Variants in HIVEP3 observed in about 807,000 individuals in gnomAD.
HIVEP3 encodes the protein transcription factor HIVEP3.
HIVEP3 carries 49 observed loss-of-function variants against 152.8 expected under a neutral mutation model. That is an observed-to-expected ratio of 0.32 (90% CI 0.26 to 0.41). HIVEP3 has a LOEUF of 0.41. Ranked by LOEUF, HIVEP3 falls within the 10% of genes least tolerant of loss-of-function variation. The pLI, the probability that HIVEP3 is intolerant of heterozygous loss-of-function variation, is 1.00. For synonymous variants in HIVEP3, 1,269 were observed against 1,289.0 expected (o/e 0.98, Z 0.33); for missense variants, 2,790 against 3,103.3 (o/e 0.90, Z 2.40).
intron 3 of HIVEP3, among the ~76,000 whole-genome samples, chr1:41,610,229 A>G (rs1463355853): frequency 6.6e-6 from 1 of 152,200 alleles, no homozygotes; most frequent in African/African-American, 2.4e-5. Context: ...CCTAATACAC[A>G]ACTTCAGACA....
chr1:41,825,495 C>G (rs1642774494), intron 1 of HIVEP3, among the ~76,000 whole-genome samples: 1 of 151,674 alleles, frequency 6.6e-6, no homozygotes. Flanking sequence ...GGTCTCGAAC[C>G]CCTGATCTCA....
At chr1:41,543,544 C>T (rs1029872173) in intron 5 of HIVEP3, 1 of 152,344 alleles carries the variant, frequency 6.6e-6, no homozygotes, top group Admixed American at 6.5e-5. Flanking sequence ...GGCCCAGGCC[C>T]TTGCCCTCTC....
chr1:41,927,799 C>T (rs975798147), intron 1 of HIVEP3, among the ~76,000 whole-genome samples: 13 of 152,104 alleles, frequency 8.5e-5, no homozygotes, highest in Admixed American at 3.3e-4. Context: ...CAGTGGCTCA[C>T]GCCTATAGTC....
At chr1:42,010,774 T>C (rs564722961) in intron 1 of HIVEP3, among the ~76,000 whole-genome samples, 1 of 152,264 alleles carries the variant, frequency 6.6e-6, no homozygotes. Flanking sequence ...ATACACATCT[T>C]AGAAAGGAAA....
At chr1:41,758,862 G>C (rs936011473) in intron 1 of HIVEP3, among the ~76,000 whole-genome samples, 1 of 152,164 alleles carries the variant, frequency 6.6e-6, no homozygotes, top group African/African-American at 2.4e-5. Context: ...TTAGGAGAAT[G>C]GGGGGTACTG....
chr1:41,506,494 G>A lies in HIVEP3; in HGVS notation c.*3957C>T, dbSNP rs1644382567. Reference sequence around the variant, plus strand: ...TACTTGTAAAAACTTCTCATTCACAGTACAGATGTAATTTACAACAAAGGT... The same window carrying A: ...TACTTGTAAAAACTTCTCATTCACAATACAGATGTAATTTACAACAAAGGT... On this transcript the variant is annotated 3_prime_UTR_variant, in exon 9 of 9. Coordinates refer to ENST00000372583, the MANE Select transcript of HIVEP3 (RefSeq NM_024503.5). The A allele has an allele frequency of 6.6e-6, 1 of 152,020 alleles. No individual in the cohort carries two copies. The highest frequency in any genetic ancestry group is 2.4e-5 in the African/African-American group (1 of 41,368). 9.4% of individuals were successfully genotyped at this position (152,020 alleles called of 1,614,324 possible). A position where few individuals can be genotyped will look rare whatever the true frequency, so the allele number is the denominator to read the frequency against.
chr1:41,784,535 T>A (rs971485885), intron 1 of HIVEP3, among the ~76,000 whole-genome samples: 1 of 152,214 alleles, frequency 6.6e-6, no homozygotes, highest in South Asian at 2.1e-4. Flanking sequence ...GAGCAATTGC[T>A]CTTGACTTGC....
intron 1 of HIVEP3, among the ~76,000 whole-genome samples, chr1:41,735,352 G>A (rs936643179): frequency 3.3e-5 from 5 of 152,306 alleles, no homozygotes; most frequent in Non-Finnish European, 5.9e-5. Flanking sequence ...AGATGATGAC[G>A]ATGAAGGTGA....
chr1:41,768,820 C>G (rs1180320124), intron 1 of HIVEP3, among the ~76,000 whole-genome samples: 1 of 152,248 alleles, frequency 6.6e-6, no homozygotes, highest in Admixed American at 6.5e-5. Context: ...CACTGCAAGT[C>G]TAAAACCCGC....
At chr1:41,725,679 C>T (rs1646741748) in intron 1 of HIVEP3, among the ~76,000 whole-genome samples, 1 of 152,224 alleles carries the variant, frequency 6.6e-6, no homozygotes, top group Admixed American at 6.5e-5. Flanking sequence ...CTGTCCCTTC[C>T]TCCAGTGACC....
At chr1:41,994,146 A>G (rs928151390) in intron 1 of HIVEP3, among the ~76,000 whole-genome samples, 1 of 152,012 alleles carries the variant, frequency 6.6e-6, no homozygotes, top group Non-Finnish European at 1.5e-5. Flanking sequence ...AACTTAAAGT[A>G]TAATAATAAA....
At chr1:41,790,497 G>A (rs1275923218) in intron 1 of HIVEP3, among the ~76,000 whole-genome samples, 1 of 152,180 alleles carries the variant, frequency 6.6e-6, no homozygotes, top group African/African-American at 2.4e-5. Flanking sequence ...AACACACCAT[G>A]TAACCTTGGA....
At chr1:41,625,082 G>A (rs1645097420) in intron 3 of HIVEP3, among the ~76,000 whole-genome samples, 1 of 130,222 alleles carries the variant, frequency 7.7e-6, no homozygotes, top group Non-Finnish European at 1.6e-5. Context: ...AAAATAGCTT[G>A]AACCTGGGAG....
chr1:41,514,855 G>T (rs1295919165), intron 7 of HIVEP3, among the ~76,000 whole-genome samples: 1 of 152,238 alleles, frequency 6.6e-6, no homozygotes, highest in Non-Finnish European at 1.5e-5. Flanking sequence ...TAATGACAGA[G>T]TTATTGAATA....
At chr1:41,716,708 G>A in intron 1 of HIVEP3, among the ~76,000 whole-genome samples, 1 of 152,210 alleles carries the variant, frequency 6.6e-6, no homozygotes, top group East Asian at 1.9e-4. Context: ...GGGGATCCAG[G>A]CAGGTCTGGG....
At position 41,513,232 on chromosome 1, in the gene HIVEP3, A is replaced by G. The variant is rs1642493078; in HGVS notation, c.5989T>C (p.Cys1997Arg). Reference protein sequence around the residue: ...LTKNDSSPQRCSPAREPQASA... With the variant: ...LTKNDSSPQRRSPAREPQASA... ...GCCTGTGGTTCTCGGGCCGGGGAGCATCGCTGGGGAGATGAGTCGTTTTTG... is the reference window on the plus strand; with the variant it reads ...GCCTGTGGTTCTCGGGCCGGGGAGCGTCGCTGGGGAGATGAGTCGTTTTTG... Residue 1997 changes from cysteine (C) to arginine (R), a missense_variant, in exon 8 of 9, where the codon TGC (cysteine) becomes CGC (arginine). By Grantham distance (180) the Cys-to-Arg change is radical. Coordinates refer to ENST00000372583, the MANE Select transcript of HIVEP3 (RefSeq NM_024503.5). 1 of 1,613,594 alleles carries G rather than the reference A, an allele frequency of 6.2e-7. No individual in the cohort carries two copies. Among genetic ancestry groups the G allele is most frequent in the East Asian group, 2.2e-5 (1 of 44,858 alleles).
rs1419281588 is a variant in HIVEP3 at position 41,621,021 on chromosome 1, C to A, written c.-522+7728G>T. ...CACCTGCAAGTAATTGACAGTGTGA[C>A]CCTGGGCAAGTCACTTGCCACGTTT... On this transcript the variant is annotated intron_variant, in intron 3 of 8. Transcript: ENST00000372583. 2.0e-5 allele frequency among the ~76,000 whole-genome samples: 3 copies of A among 152,308 alleles called. No homozygotes were observed. The South Asian group carries it at 6.2e-4, about 32-fold the overall frequency.
In HIVEP3 at chr1:41,584,671, C is replaced by A. The variant is rs143175378; in HGVS notation, c.127G>T (p.Ala43Ser). The change falls in exon 4 of 9, where the codon GCT (alanine) becomes TCT (serine). Residue 43 changes from alanine (A) to serine (S), a missense_variant. Ala to Ser is a moderately conservative substitution (Grantham distance 99). This residue lies in a region of HIVEP3 where 209 missense variants were observed against 237.0 expected (regional missense o/e 0.88). Coordinates refer to ENST00000372583, the MANE Select transcript of HIVEP3 (RefSeq NM_024503.5). The surrounding 1 kb of genome is among the most constrained non-coding windows in gnomAD (Gnocchi z 5.2). The part of the protein sequence containing the change: ...SSVPYPGSGT[A>S]ATQESPAQEL... ...TGGGCGGGGCTCTCTTGGGTGGCAG[C>A]TGTGCCGCTGCCTGGGTATGGGACG... 1,123 of 1,587,372 alleles carry A rather than the reference C, an allele frequency of 7.1e-4. 1 individual carries two copies. Among genetic ancestry groups the A allele is most frequent in the Non-Finnish European group, 8.8e-4 (1,032 of 1,167,236 alleles).
At position 41,583,883 on chromosome 1, in the gene HIVEP3, G is replaced by A; in HGVS notation, c.915C>T (p.Pro305=). 3 of 1,613,982 alleles carry A rather than the reference G, an allele frequency of 1.9e-6. No individual in the cohort carries two copies. Among genetic ancestry groups the A allele is most frequent in the Non-Finnish European group, 2.5e-6 (3 of 1,179,930 alleles). The change falls in exon 4 of 9, where the codon CCC becomes CCT. Residue 305 remains proline (P), a synonymous_variant. Transcript: ENST00000372583. The surrounding 1 kb of genome is among the most constrained non-coding windows in gnomAD (Gnocchi z 6.9). ...AGCTGTATAGCCCGCTGGAGAGAAG[G>A]GGCTGCTTGGGTCTTGGGGAGAGCT... The part of the protein sequence containing the change: ...PAELSPRPKQ[P]LLSSGLYSSG...
Sources: gnomAD v4.1 joint callset for allele counts (sites outside exome capture counted in the v4.1 genomes callset) on GRCh38, gnomAD v4.1.1 for gene constraint, gnomAD v4.1.1 regional missense constraint, Gnocchi (gnomAD v3.1) non-coding constraint, MANE v1.5 for transcripts, NCBI Gene and HGNC (gene_info 2026-07-23, HGNC 2026-07-21) for gene names.